The following IQCE variants were observed in gnomAD, a reference collection of about 807,000 sequenced individuals.
IQCE encodes IQ motif containing E.
In IQCE, 115 loss-of-function variants were observed where a neutral mutation model predicts 96.0. The ratio of observed to expected loss-of-function variants is 1.20; its 90% CI spans 1.03 to 1.40. IQCE has a LOEUF of 1.40. IQCE is among the 40% of genes most tolerant of loss of function. IQCE has a pLI of 0.00. For synonymous variants in IQCE, 412 were observed against 371.2 expected (o/e 1.11, Z -1.26); for missense variants, 1,041 against 909.1 (o/e 1.15, Z -1.87).
intron 1 of IQCE, chr7:2,559,618 G>C (rs1162661753): frequency 1.3e-5 from 2 of 157,158 alleles, no homozygotes; most frequent in East Asian, 3.7e-4. Flanking sequence ...CAGGGTCTGG[G>C]AACCCAGCTT....
At chr7:2,591,338 T>C (rs2969056) in intron 14 of IQCE, among the ~76,000 whole-genome samples, 119,663 of 152,144 alleles carry the variant, frequency 0.79, 47,624 homozygotes, top group African/African-American at 0.9. Flanking sequence ...CCGGGGGTTC[T>C]GGAGTTCCAT....
intron 9 of IQCE, 39 bp from the exon 10 acceptor site, chr7:2,583,598 G>A (rs376859718): frequency 1.1e-4 from 161 of 1,500,152 alleles, no homozygotes; most frequent in Non-Finnish European, 1.4e-4. Context: ...CCCTGGGAAC[G>A]CTGGCACATC....
chr7:2,589,199 C>G (rs1043400302), intron 13 of IQCE, among the ~76,000 whole-genome samples: 2 of 151,954 alleles, frequency 1.3e-5, no homozygotes, highest in Non-Finnish European at 2.9e-5. Flanking sequence ...AAGACCCCAT[C>G]TCTACAAAAA....
At chr7:2,578,106 G>C in intron 6 of IQCE, 136 bp from the exon 7 acceptor site, 1 of 658,608 alleles carries the variant, frequency 1.5e-6, no homozygotes, top group Non-Finnish European at 2.7e-6. Context: ...GCAGTGGCGT[G>C]TGCGTGGCTG....
At position 2,559,176 on chromosome 7, in the gene IQCE, G is replaced by T. The variant is rs192943823; in HGVS notation, c.-6G>T. On this transcript the variant is annotated 5_prime_UTR_variant, in exon 1 of 22. Coordinates refer to ENST00000402050, the MANE Select transcript of IQCE (RefSeq NM_152558.5). ...CCCTGAGGGGCGGCCGGGCAGCGCC[G>T]CCACCATGTTCCTGGGCACCGGGGA... is the stretch of plus-strand genomic sequence containing the variant. The T allele has an allele frequency of 1.9e-3, 2,304 of 1,208,670 alleles. 30 individuals carry two copies. The African/African-American group carries it at 0.032, about 17-fold the overall frequency. The allele number at this position is 1,208,670 out of a possible 1,614,324, so 74.9% of individuals were successfully genotyped here.
intron 20 of IQCE, among the ~76,000 whole-genome samples, chr7:2,606,422 C>T (rs762610663): frequency 6.6e-6 from 1 of 152,078 alleles, no homozygotes; most frequent in African/African-American, 2.4e-5. Flanking sequence ...TAGATGGCAG[C>T]GTTCCCACAG....
At chr7:2,587,406 A>G (rs1178951155) in intron 12 of IQCE, among the ~76,000 whole-genome samples, 4 of 150,832 alleles carry the variant, frequency 2.7e-5, no homozygotes, top group African/African-American at 9.8e-5. Flanking sequence ...TTGGCGGTAT[A>G]TGGGGGAGGC....
chr7:2,592,886 C>G (rs1783716307), intron 14 of IQCE, 136 bp from the exon 15 acceptor site: 2 of 925,818 alleles, frequency 2.2e-6, no homozygotes, highest in African/African-American at 3.3e-5. Context: ...AGAAATGGGC[C>G]TTTTGTGCTC....
rs148276415 is a variant in IQCE at position 2,566,837 on chromosome 7, A to G, written c.37-279A>G. ...AGAACTGGTTTTGTTTTTCTTTGTC[A>G]AGACACAATTCTGTGGGAAATAGTG... is the stretch of plus-strand genomic sequence containing the variant. On this transcript the variant is annotated intron_variant, in intron 1 of 21. Transcript: ENST00000402050. Among the ~76,000 whole-genome samples the G allele has an allele frequency of 2.0e-3, 300 of 152,344 alleles. 1 individual carries two copies. The highest frequency in any genetic ancestry group is 6.8e-3 in the African/African-American group (282 of 41,584).
chr7:2,602,158 A>C (rs1784477481), intron 18 of IQCE, among the ~76,000 whole-genome samples: 1 of 152,112 alleles, frequency 6.6e-6, no homozygotes, highest in African/African-American at 2.4e-5. Flanking sequence ...GGTGACATGC[A>C]AGGTGGGCCT....
chr7:2,598,346 A>T, intron 16 of IQCE, 119 bp from the exon 17 acceptor site: 1 of 966,594 alleles, frequency 1.0e-6, no homozygotes. Flanking sequence ...CCTCCACATT[A>T]GTGAGACTCA....
chr7:2,586,191 C>G lies in IQCE; in HGVS notation c.825-17C>G, dbSNP rs147147454. On this transcript the variant is annotated splice_polypyrimidine_tract_variant and intron_variant, in intron 11 of 21. Transcript: ENST00000402050. ...GCTTAGCAATGCAAACCTCAGTCCACGATTTGGTTGTTCCAGGCCCCTGGG... is the reference window on the plus strand; with the variant it reads ...GCTTAGCAATGCAAACCTCAGTCCAGGATTTGGTTGTTCCAGGCCCCTGGG... 4.4e-5 allele frequency: 70 copies of G among 1,608,028 alleles called. No homozygotes were observed. In the South Asian group the frequency reaches 7.1e-4, roughly 16 times the overall value.
chr7:2,581,744 C>G (rs1247010593), intron 8 of IQCE, among the ~76,000 whole-genome samples: 1 of 148,582 alleles, frequency 6.7e-6, no homozygotes, highest in Non-Finnish European at 1.5e-5. Flanking sequence ...GAGTCTCGCT[C>G]TGTCACCCAC....
chr7:2,568,756 G>C (rs1447503047), intron 2 of IQCE, among the ~76,000 whole-genome samples, 198 bp from the exon 3 acceptor site: 6 of 152,180 alleles, frequency 3.9e-5, no homozygotes, highest in Non-Finnish European at 8.8e-5. Context: ...CCAGCCCTGA[G>C]CACTGACGTG....
chr7:2,589,670 C>G (rs1430841437), intron 13 of IQCE, among the ~76,000 whole-genome samples: 6 of 152,180 alleles, frequency 3.9e-5, no homozygotes, highest in Non-Finnish European at 5.9e-5. Flanking sequence ...TGCCTGCGCC[C>G]TGGCTTGGCG....
intron 11 of IQCE, among the ~76,000 whole-genome samples, chr7:2,584,883 T>C (rs1782975931): frequency 6.6e-6 from 1 of 152,146 alleles, no homozygotes; most frequent in African/African-American, 2.4e-5. Flanking sequence ...CTAACTACAG[T>C]CGATTCTCAT....
intron 8 of IQCE, among the ~76,000 whole-genome samples, chr7:2,579,052 A>C (rs986470584): frequency 6.6e-6 from 1 of 152,078 alleles, no homozygotes; most frequent in African/African-American, 2.4e-5. Context: ...AAAAAAAAAA[A>C]AAAAAGGTGC....
chr7:2,585,225 A>G (rs1783005735), intron 11 of IQCE, among the ~76,000 whole-genome samples: 2 of 152,010 alleles, frequency 1.3e-5, no homozygotes, highest in Admixed American at 1.3e-4. Flanking sequence ...TTTAGTAGAG[A>G]TGGGGTTTTA....
chr7:2,587,948 G>A, intron 13 of IQCE, 71 bp downstream of exon 13: 1 of 1,403,828 alleles, frequency 7.1e-7, no homozygotes, highest in Non-Finnish European at 1.0e-6. Flanking sequence ...GGCTCACAGG[G>A]TGCGGAAGGT....
Sources: allele counts gnomAD v4.1 joint callset (sites outside exome capture counted in the v4.1 genomes callset), GRCh38; gene constraint gnomAD v4.1.1; transcripts MANE v1.5; gene names NCBI Gene and HGNC (gene_info 2026-07-23, HGNC 2026-07-21).